Variants in HTR1F observed in about 807,000 individuals in gnomAD.
HTR1F encodes 5-hydroxytryptamine (serotonin) receptor 1F, G protein-coupled.
HTR1F carries 17 observed loss-of-function variants against 24.0 expected under a neutral mutation model. The observed-to-expected ratio is 0.71, with a 90% confidence interval of 0.48 to 1.06. HTR1F has a LOEUF of 1.06. HTR1F is among the 50% of genes least tolerant of loss of function. The probability of loss-of-function intolerance (pLI) is 0.00; values close to 1 mark genes in which losing one functional copy is unlikely to be tolerated. For missense variants in HTR1F, 391 were observed against 427.8 expected (o/e 0.91, Z 0.76); for synonymous variants, 186 against 156.8 (o/e 1.19, Z -1.39).
chr3:87,860,242 ACT>A (rs1444072881), intron 2 of HTR1F, among the ~76,000 whole-genome samples: 3 of 152,220 alleles, frequency 2.0e-5, no homozygotes, highest in Admixed American at 6.5e-5. Flanking sequence ...TATAAAATCA[ACT>A]CTCTTTTCTA....
rs147751853 is a variant in HTR1F, at chr3:87,880,986, C to T, written c.-43+58862C>T. On this transcript the variant is annotated intron_variant, in intron 2 of 2. Transcript: ENST00000319595. ...CAAGATGGCCAAACAGGAACAGCTC[C>T]AGTCTGCAGTTCCCAGTGTGAGCGA... 1.1e-3 allele frequency among the ~76,000 whole-genome samples: 162 copies of T among 152,278 alleles called. 2 individuals are homozygous for T. The East Asian group carries it at 0.03, about 28-fold the overall frequency.
intron 2 of HTR1F, among the ~76,000 whole-genome samples, chr3:87,929,348 C>T (rs1226306830): frequency 6.6e-6 from 1 of 152,138 alleles, no homozygotes; most frequent in African/African-American, 2.4e-5. Flanking sequence ...TATACAAGCA[C>T]CATACAACGT....
chr3:87,859,084 C>T (rs1298706997), intron 2 of HTR1F, among the ~76,000 whole-genome samples: 2 of 152,044 alleles, frequency 1.3e-5, no homozygotes, highest in Non-Finnish European at 2.9e-5. Flanking sequence ...GTAATCCCAG[C>T]CTACTTGGGA....
chr3:87,946,511 C>G (rs1464921130), intron 2 of HTR1F, among the ~76,000 whole-genome samples: 3 of 148,448 alleles, frequency 2.0e-5, no homozygotes, highest in African/African-American at 5.0e-5. Context: ...ATTTTTCTAA[C>G]TTTTCTAAAA....
chr3:87,838,838 C>A (rs1234901551), intron 2 of HTR1F, among the ~76,000 whole-genome samples: 3 of 150,016 alleles, frequency 2.0e-5, no homozygotes, highest in East Asian at 1.9e-4. Context: ...AAAAAAAATT[C>A]TCAAATTATT....
Position 87,822,087 on chromosome 3 carries a change from T to C in HTR1F, c.-80T>C, listed in dbSNP as rs917022277. Among the ~76,000 whole-genome samples the C allele has an allele frequency of 6.6e-6, 1 of 151,974 alleles. No individual in the cohort carries two copies. Among genetic ancestry groups the C allele is most frequent in the African/African-American group, 2.4e-5 (1 of 41,352 alleles). ...AGAACAGGAACATGAGGAGACGAAA[T>C]GGTGATGAAAACCCACAATTCAATC... On this transcript the variant is annotated 5_prime_UTR_variant, in exon 2 of 3. It removes an upstream start codon present in the reference 5' UTR. Coordinates refer to ENST00000319595, the MANE Select transcript of HTR1F (RefSeq NM_001322209.2).
chr3:87,917,644 C>T (rs1437406538), intron 2 of HTR1F, among the ~76,000 whole-genome samples: 2 of 151,864 alleles, frequency 1.3e-5, no homozygotes, highest in African/African-American at 2.4e-5. Context: ...AAAGATACAA[C>T]CTTCTTAGCT....
chr3:87,797,412 A>G (rs1703923816), intron 1 of HTR1F, among the ~76,000 whole-genome samples: 1 of 152,242 alleles, frequency 6.6e-6, no homozygotes, highest in East Asian at 1.9e-4. Flanking sequence ...AGCTAGCAGA[A>G]AAAGTTGCAA....
chr3:87,991,968 G>T lies in HTR1F; in HGVS notation c.*118G>T. 2.6e-6 allele frequency: 2 copies of T among 774,942 alleles called. No homozygotes were observed. Among genetic ancestry groups the T allele is most frequent in the Non-Finnish European group, 4.0e-6 (2 of 494,530 alleles). 48.0% of individuals were successfully genotyped at this position (774,942 alleles called of 1,614,324 possible). On this transcript the variant is annotated 3_prime_UTR_variant, in exon 3 of 3. Coordinates refer to ENST00000319595, the MANE Select transcript of HTR1F (RefSeq NM_001322209.2). ...GGAAATACATGAAAACTGCTAAATT[G>T]ATAAGGCTATAATTTATATTTTAAT...
chr3:87,940,574 T>G (rs1704544226), intron 2 of HTR1F, among the ~76,000 whole-genome samples: 1 of 152,158 alleles, frequency 6.6e-6, no homozygotes, highest in African/African-American at 2.4e-5. Flanking sequence ...ATAGAATCAA[T>G]GCCATCCCCA....
intron 2 of HTR1F, among the ~76,000 whole-genome samples, chr3:87,841,264 AAAAAT>A (rs1341804395): frequency 6.6e-6 from 1 of 151,938 alleles, no homozygotes; most frequent in Non-Finnish European, 1.5e-5. Context: ...TTTGTCAATT[AAAAAT>A]AAAACTCTTA....
At chr3:87,851,005 T>G (rs1319209429) in intron 2 of HTR1F, among the ~76,000 whole-genome samples, 1 of 151,732 alleles carries the variant, frequency 6.6e-6, no homozygotes, top group African/African-American at 2.4e-5. Context: ...TGTTTTATAA[T>G]AAGAGTAACA....
chr3:87,877,807 A>G (rs138747204), intron 2 of HTR1F, among the ~76,000 whole-genome samples: 1 of 152,308 alleles, frequency 6.6e-6, no homozygotes, highest in Non-Finnish European at 1.5e-5. Flanking sequence ...AAATCAATAC[A>G]AATGTGAACA....
chr3:87,967,787 T>C (rs1448317057), intron 2 of HTR1F, among the ~76,000 whole-genome samples: 1 of 152,174 alleles, frequency 6.6e-6, no homozygotes, highest in Non-Finnish European at 1.5e-5. Context: ...TAAACCTCTT[T>C]TTCTTTATAA....
At chr3:87,878,496 T>G (rs1378643491) in intron 2 of HTR1F, among the ~76,000 whole-genome samples, 1 of 152,198 alleles carries the variant, frequency 6.6e-6, no homozygotes. Flanking sequence ...ACTCTTACTT[T>G]TGCTCATAGT....
At chr3:87,899,805 G>A (rs1706282954) in intron 2 of HTR1F, among the ~76,000 whole-genome samples, 2 of 152,194 alleles carry the variant, frequency 1.3e-5, no homozygotes, top group South Asian at 4.1e-4. Flanking sequence ...GGAGGTTGCA[G>A]TGAGCCAAGA....
At chr3:87,955,310 T>A (rs1323319330) in intron 2 of HTR1F, among the ~76,000 whole-genome samples, 1 of 151,484 alleles carries the variant, frequency 6.6e-6, no homozygotes, top group Admixed American at 6.6e-5. Flanking sequence ...ATGGACCCTT[T>A]TTATGTCTGG....
intron 2 of HTR1F, among the ~76,000 whole-genome samples, chr3:87,850,238 G>A (rs1276991048): frequency 6.6e-6 from 1 of 151,922 alleles, no homozygotes; most frequent in African/African-American, 2.4e-5. Context: ...ACTGGACTAA[G>A]AAAATGTGGC....
At chr3:87,794,880 G>A (rs1703877665) in intron 1 of HTR1F, among the ~76,000 whole-genome samples, 1 of 151,108 alleles carries the variant, frequency 6.6e-6, no homozygotes, top group African/African-American at 2.4e-5. Context: ...CTACTATAAA[G>A]CTGTTAATTA....
Sources: gnomAD v4.1 joint callset for allele counts (sites outside exome capture counted in the v4.1 genomes callset) on GRCh38, gnomAD v4.1.1 for gene constraint, MANE v1.5 for transcripts, NCBI Gene and HGNC (gene_info 2026-07-23, HGNC 2026-07-21) for gene names.